Variants in FSTL5 observed in about 807,000 individuals in gnomAD.
FSTL5 encodes follistatin-related protein 5.
In FSTL5, 62 loss-of-function variants were observed where a neutral mutation model predicts 89.1. The ratio of observed to expected loss-of-function variants is 0.70; its 90% CI spans 0.57 to 0.86. FSTL5 has a LOEUF of 0.86. Ranked by LOEUF, FSTL5 falls within the 40% of genes least tolerant of loss-of-function variation. FSTL5 has a pLI of 0.00. For synonymous variants in FSTL5, 383 were observed against 346.2 expected, an observed-to-expected ratio of 1.11 and a Z score of -1.18; for missense variants, 1,057 against 1,001.6, an observed-to-expected ratio of 1.06 and a Z score of -0.75.
intron 1 of FSTL5, among the ~76,000 whole-genome samples, chr4:162,153,803 A>G (rs1056393036): frequency 1.4e-5 from 2 of 138,556 alleles, no homozygotes; most frequent in Non-Finnish European, 3.1e-5. Flanking sequence ...ATATGTATAT[A>G]TATATATTTA....
At chr4:161,648,836 G>A (rs1466588252) in intron 7 of FSTL5, among the ~76,000 whole-genome samples, 1 of 152,118 alleles carries the variant, frequency 6.6e-6, no homozygotes, top group Non-Finnish European at 1.5e-5. Flanking sequence ...GAAAGTGAGG[G>A]TCTAAATTCA....
chr4:162,152,361 C>T (rs1733257408), intron 1 of FSTL5, among the ~76,000 whole-genome samples: 1 of 152,166 alleles, frequency 6.6e-6, no homozygotes, highest in Admixed American at 6.5e-5. Flanking sequence ...GCACAATTCA[C>T]GCACTTCTTT....
chr4:162,139,713 T>C (rs1732652752), intron 1 of FSTL5, among the ~76,000 whole-genome samples: 1 of 152,122 alleles, frequency 6.6e-6, no homozygotes, highest in Non-Finnish European at 1.5e-5. Flanking sequence ...TATGAAACTT[T>C]TAAAACATAA....
intron 1 of FSTL5, among the ~76,000 whole-genome samples, chr4:162,131,221 G>C (rs561584662): frequency 1.3e-5 from 2 of 152,052 alleles, no homozygotes; most frequent in Non-Finnish European, 1.5e-5. Context: ...AGAATCTCAG[G>C]TATTATCTGA....
chr4:161,888,765 C>A (rs1293941735), intron 4 of FSTL5, among the ~76,000 whole-genome samples: 3 of 151,694 alleles, frequency 2.0e-5, no homozygotes, highest in African/African-American at 7.3e-5. Flanking sequence ...ATTACTTTAA[C>A]CAAATAATAA....
intron 3 of FSTL5, among the ~76,000 whole-genome samples, chr4:161,994,930 T>C (rs1039910574): frequency 1.3e-5 from 2 of 152,242 alleles, no homozygotes; most frequent in East Asian, 1.9e-4. Flanking sequence ...TGATTGCTTT[T>C]GGTGTCTTTG....
chr4:161,987,437 A>G (rs563651986), intron 3 of FSTL5, among the ~76,000 whole-genome samples: 2 of 148,224 alleles, frequency 1.3e-5, no homozygotes, highest in East Asian at 3.9e-4. Context: ...TGGGCTCATA[A>G]CTCCTAATTA....
intron 7 of FSTL5, among the ~76,000 whole-genome samples, chr4:161,610,630 T>C (rs1734600170): frequency 6.6e-6 from 1 of 152,120 alleles, no homozygotes; most frequent in African/African-American, 2.4e-5. Context: ...AGTTTCCTTA[T>C]CCTGTGGAAA....
intron 3 of FSTL5, among the ~76,000 whole-genome samples, chr4:162,028,901 C>T (rs17537768): frequency 0.098 from 14,884 of 152,100 alleles, 851 homozygotes; most frequent in Non-Finnish European, 0.13. Flanking sequence ...GTGAGCCAAC[C>T]TCAGAAACTG....
chr4:161,828,960 G>A (rs566381904), intron 4 of FSTL5, among the ~76,000 whole-genome samples: 11 of 151,880 alleles, frequency 7.2e-5, no homozygotes, highest in Non-Finnish European at 1.5e-4. Flanking sequence ...TGGTAGTAGA[G>A]CAAAACATGG....
intron 15 of FSTL5, among the ~76,000 whole-genome samples, chr4:161,429,501 A>G (rs955685511): frequency 1.3e-5 from 2 of 152,178 alleles, no homozygotes; most frequent in Admixed American, 6.5e-5. Context: ...CGCCAGCTCC[A>G]TTGAGTTCAG....
chr4:161,886,565 T>C (rs542242242), intron 4 of FSTL5, among the ~76,000 whole-genome samples: 1 of 152,328 alleles, frequency 6.6e-6, no homozygotes, highest in Non-Finnish European at 1.5e-5. Flanking sequence ...GCCATATTTC[T>C]TCAATCATAT....
intron 4 of FSTL5, among the ~76,000 whole-genome samples, chr4:161,894,974 A>C (rs565274365): frequency 1.3e-5 from 2 of 152,364 alleles, no homozygotes; most frequent in African/African-American, 4.8e-5. Context: ...TAGCTATCAT[A>C]CACATGCTAC....
intron 3 of FSTL5, among the ~76,000 whole-genome samples, chr4:161,940,569 T>G (rs1381135296): frequency 1.3e-5 from 2 of 151,712 alleles, no homozygotes; most frequent in Non-Finnish European, 3.0e-5. Flanking sequence ...TAACAGCTGA[T>G]TTTTAAGCAG....
At position 161,639,826 on chromosome 4, in the gene FSTL5, C is replaced by T. The variant is rs978924009; in HGVS notation, c.894+16502G>A. 2.0e-5 allele frequency among the ~76,000 whole-genome samples: 3 copies of T among 152,124 alleles called. No homozygotes were observed. The East Asian group carries it at 5.8e-4, about 29-fold the overall frequency. ...AATATTGGGGATTTGTACTCTGAAT[C>T]GTGCTTCTGATCCCACAGGTTTAGA... On this transcript the variant is annotated intron_variant, in intron 7 of 15. Coordinates refer to ENST00000306100, the MANE Select transcript of FSTL5 (RefSeq NM_020116.5).
intron 6 of FSTL5, among the ~76,000 whole-genome samples, chr4:161,684,202 T>G (rs1737624089): frequency 6.6e-6 from 1 of 152,198 alleles, no homozygotes; most frequent in Admixed American, 6.5e-5. Context: ...GTTGGTTCCA[T>G]GTTTTTGCAA....
At chr4:161,900,137 T>C (rs1733304827) in intron 4 of FSTL5, among the ~76,000 whole-genome samples, 1 of 151,910 alleles carries the variant, frequency 6.6e-6, no homozygotes, top group East Asian at 1.9e-4. Flanking sequence ...GCAGTTGCAG[T>C]GAGCCCAAGA....
chr4:161,822,703 G>A (rs548717318), intron 4 of FSTL5, among the ~76,000 whole-genome samples: 25 of 151,534 alleles, frequency 1.6e-4, no homozygotes, highest in African/African-American at 3.4e-4. Flanking sequence ...TATGGTGAGC[G>A]GGGGGGCATG....
At chr4:161,762,728 G>A (rs373784754) in intron 5 of FSTL5, among the ~76,000 whole-genome samples, 78 of 152,256 alleles carry the variant, frequency 5.1e-4, no homozygotes, top group African/African-American at 1.6e-3. Flanking sequence ...AAATGGTGAG[G>A]TTGTTTCTCA....
Sources: gnomAD v4.1 joint callset for allele counts (sites outside exome capture counted in the v4.1 genomes callset) on GRCh38, gnomAD v4.1.1 for gene constraint, MANE v1.5 for transcripts, NCBI Gene and HGNC (gene_info 2026-07-23, HGNC 2026-07-21) for gene names.